Variants in SEMA6A observed in about 807,000 individuals in gnomAD.
SEMA6A encodes semaphorin-6A.
SEMA6A carries 25 observed loss-of-function variants against 96.8 expected under a neutral mutation model. The observed-to-expected ratio is 0.26, with a 90% CI of 0.19 to 0.36. The LOEUF (loss-of-function observed/expected upper bound fraction) is 0.36, where lower values mean the gene tolerates loss of function less well. Among genes scored for constraint, SEMA6A ranks in the 10% least tolerant of loss-of-function variants. The pLI, the probability that SEMA6A is intolerant of heterozygous loss-of-function variation, is 1.00. For synonymous variants in SEMA6A, 612 were observed against 518.0 expected (o/e 1.18, Z -2.46); for missense variants, 1,363 against 1,323.1 (o/e 1.03, Z -0.47).
intron 5 of SEMA6A, 188 bp from the exon 6 acceptor site, chr5:116,495,702 C>A (rs938855644): frequency 3.7e-6 from 2 of 534,088 alleles, no homozygotes; most frequent in East Asian, 6.3e-5. Flanking sequence ...ACTCTTTCAA[C>A]GTAAATAAAA....
chr5:116,467,716 G>A lies in SEMA6A; in HGVS notation c.1761C>T (p.Thr587=). The change falls in exon 18 of 19, where the codon ACC becomes ACT. Residue 587 remains threonine, a synonymous_variant. Transcript: ENST00000343348. The part of the protein sequence containing the change: ...GHSSSLLPST[T]TSDSTAQEGY... ...CCTCTTGAGCCGTCGAATCTGATGT[G>A]GTTGTGCTGGGCAAGAGGGAACTGG... The A allele has an allele frequency of 2.5e-6, 4 of 1,613,814 alleles. No individual in the cohort carries two copies. The highest frequency in any genetic ancestry group is 3.4e-6 in the Non-Finnish European group (4 of 1,179,828).
At position 116,446,734 on chromosome 5, in the gene SEMA6A, G is replaced by C; in HGVS notation, c.2972C>G (p.Ala991Gly). Reference sequence around the variant, plus strand: ...CCCCGACCTTGTCAGTGAGTTGTAGGCGTTGAGGCTGGGCTGCCTCGAGAC... The same window carrying C: ...CCCCGACCTTGTCAGTGAGTTGTAGCCGTTGAGGCTGGGCTGCCTCGAGAC... ...VTVSRQPSLN[A>G]YNSLTRSGLK... Residue 991 changes from alanine (A) to glycine (G), a missense_variant, in exon 19 of 19, where the codon GCC (alanine) becomes GGC (glycine). Around this residue, in one of 2 missense-constraint regions of SEMA6A, gnomAD observed 883 missense variants for 763.6 expected, o/e 1.16. Transcript: ENST00000343348. 2 of 1,603,492 alleles carry C rather than the reference G, an allele frequency of 1.2e-6. No individual in the cohort carries two copies. The highest frequency in any genetic ancestry group is 1.7e-6 in the Non-Finnish European group (2 of 1,174,606).
At chr5:116,519,664 TACACAC>T (rs72233200) in intron 1 of SEMA6A, among the ~76,000 whole-genome samples, 45 of 147,026 alleles carry the variant, frequency 3.1e-4, no homozygotes, top group East Asian at 4.0e-4. Flanking sequence ...ATGCTGTGTG[TACACAC>T]ACACACACAC....
rs150229420 is a variant in SEMA6A, at chr5:116,449,671, G to A, written c.1895-1860C>T. The A allele has an allele frequency of 6.2e-4, 165 of 264,464 alleles. 1 individual carries two copies. Among genetic ancestry groups the A allele is most frequent in the African/African-American group, 3.5e-3 (160 of 45,166 alleles). 16.4% of individuals were successfully genotyped at this position (264,464 alleles called of 1,614,324 possible). On this transcript the variant is annotated intron_variant, in intron 18 of 18. Coordinates refer to ENST00000343348, the MANE Select transcript of SEMA6A (RefSeq NM_020796.5). ...TGTGACATCACAGTTGGTTGCTGTGGAAATGATTGTCCTGTGACAAAGGAT... is the reference window on the plus strand; with the variant it reads ...TGTGACATCACAGTTGGTTGCTGTGAAAATGATTGTCCTGTGACAAAGGAT...
At chr5:116,507,547 T>G (rs1402354202) in intron 1 of SEMA6A, among the ~76,000 whole-genome samples, 1 of 152,140 alleles carries the variant, frequency 6.6e-6, no homozygotes, top group African/African-American at 2.4e-5. Context: ...GAGTGAGCAG[T>G]GTTGCTGCAA....
intron 16 of SEMA6A, among the ~76,000 whole-genome samples, chr5:116,474,582 T>C (rs1250589114): frequency 6.6e-6 from 1 of 152,200 alleles, no homozygotes; most frequent in Non-Finnish European, 1.5e-5. Flanking sequence ...CCCTCTTTAT[T>C]TGATTATAAC....
At chr5:116,509,001 T>G (rs1179269292) in intron 1 of SEMA6A, among the ~76,000 whole-genome samples, 3 of 152,204 alleles carry the variant, frequency 2.0e-5, no homozygotes, top group Non-Finnish European at 4.4e-5. Context: ...TACACACAAA[T>G]TAATGAACAC....
intron 1 of SEMA6A, among the ~76,000 whole-genome samples, chr5:116,566,559 C>A (rs1057076916): frequency 6.6e-6 from 1 of 152,138 alleles, no homozygotes; most frequent in South Asian, 2.1e-4. Flanking sequence ...ATTTTATTTC[C>A]TAGTTGAAAA....
intron 10 of SEMA6A, among the ~76,000 whole-genome samples, chr5:116,483,823 G>C (rs572538320): frequency 6.6e-6 from 1 of 152,230 alleles, no homozygotes; most frequent in Non-Finnish European, 1.5e-5. Context: ...TGGCACTTTG[G>C]GAGGCTGAGG....
chr5:116,450,524 A>G (rs1038963997), intron 18 of SEMA6A, among the ~76,000 whole-genome samples: 5 of 152,216 alleles, frequency 3.3e-5, no homozygotes, highest in African/African-American at 4.8e-5. Context: ...TAGCTCCCAA[A>G]TATCATTCTT....
At chr5:116,448,615 C>T (rs1754426359) in intron 18 of SEMA6A, among the ~76,000 whole-genome samples, 1 of 152,086 alleles carries the variant, frequency 6.6e-6, no homozygotes, top group South Asian at 2.1e-4. Context: ...CTTGTGGCCA[C>T]CGGAGCCTCC....
chr5:116,551,694 A>G (rs1210121660), intron 1 of SEMA6A, among the ~76,000 whole-genome samples: 1 of 152,104 alleles, frequency 6.6e-6, no homozygotes, highest in African/African-American at 2.4e-5. Context: ...TCATTTGCGG[A>G]CATCTTTTCA....
At chr5:116,566,671 A>G (rs571688427) in intron 1 of SEMA6A, among the ~76,000 whole-genome samples, 5 of 152,348 alleles carry the variant, frequency 3.3e-5, no homozygotes, top group African/African-American at 9.6e-5. Flanking sequence ...TGTGCCTTTT[A>G]GAAGTCAGAT....
chr5:116,508,057 A>C (rs186410800), intron 1 of SEMA6A: 2 of 152,016 alleles, frequency 1.3e-5, no homozygotes, highest in African/African-American at 2.4e-5. Flanking sequence ...TTTAAGCCCA[A>C]ATTGGATCAC....
intron 1 of SEMA6A, among the ~76,000 whole-genome samples, chr5:116,556,929 G>A (rs1390703029): frequency 6.6e-6 from 1 of 152,128 alleles, no homozygotes. Flanking sequence ...TAGCTACTGT[G>A]TCTGAAATTT....
intron 1 of SEMA6A, among the ~76,000 whole-genome samples, chr5:116,523,064 TC>T (rs1306754794): frequency 3.3e-5 from 5 of 152,164 alleles, no homozygotes; most frequent in Non-Finnish European, 5.9e-5. Flanking sequence ...GTTTCCTCCA[TC>T]CCATCCCAGT....
At chr5:116,501,574 C>T (rs1757882108) in intron 3 of SEMA6A, among the ~76,000 whole-genome samples, 1 of 152,168 alleles carries the variant, frequency 6.6e-6, no homozygotes, top group South Asian at 2.1e-4. Flanking sequence ...TACATGTTTA[C>T]ACATTCACCT....
In SEMA6A at chr5:116,567,172, T is replaced by C. The variant is rs192076447; in HGVS notation, c.-39+7013A>G. 3.4e-4 allele frequency among the ~76,000 whole-genome samples: 52 copies of C among 152,296 alleles called. No homozygotes were observed. The East Asian group carries it at 9.4e-3, about 28-fold the overall frequency. ...TTATTATTTTTTATATATAGTGGTTTTTTCCTTCCATGTTTTGGGTGTGAT... is the reference window on the plus strand; with the variant it reads ...TTATTATTTTTTATATATAGTGGTTCTTTCCTTCCATGTTTTGGGTGTGAT... On this transcript the variant is annotated intron_variant, in intron 1 of 18. Transcript: ENST00000343348.
chr5:116,447,086 G>A lies in SEMA6A; in HGVS notation c.2620C>T (p.Leu874=), dbSNP rs1177498660. The A allele has an allele frequency of 6.2e-7, 1 of 1,613,962 alleles. No homozygotes were observed. The highest frequency in any genetic ancestry group is 8.5e-7 in the Non-Finnish European group (1 of 1,179,886). Residue 874 remains leucine, a synonymous_variant, in exon 19 of 19, where the codon CTG becomes TTG. Transcript: ENST00000343348. The part of the protein sequence containing the change: ...PNHGVNLVEN[L]DSLPPKVPQR... ...GGAACTTTGGGGGGCAGGCTGTCCA[G>A]GTTCTCCACAAGGTTCACCCCATGG...
Sources: allele counts gnomAD v4.1 joint callset (sites outside exome capture counted in the v4.1 genomes callset), GRCh38; gene constraint gnomAD v4.1.1; regional missense constraint gnomAD v4.1.1; transcripts MANE v1.5; gene names NCBI Gene and HGNC (gene_info 2026-07-23, HGNC 2026-07-21).